LRRK1: variants seen among roughly 807,000 people sequenced by gnomAD.
The protein encoded by LRRK1 is leucine rich repeat kinase 1.
A neutral mutation model predicts 209.1 loss-of-function variants in LRRK1; 113 were observed. That is an observed-to-expected ratio of 0.54 (90% CI 0.46 to 0.63). LRRK1 has a LOEUF of 0.63. LRRK1 is among the 30% of genes least tolerant of loss of function. The probability of loss-of-function intolerance (pLI) is 0.00; values close to 1 mark genes in which losing one functional copy is unlikely to be tolerated. For synonymous variants in LRRK1, 1,144 were observed against 1,099.7 expected, an observed-to-expected ratio of 1.04 and a Z score of -0.80; for missense variants, 2,284 against 2,632.2, an observed-to-expected ratio of 0.87 and a Z score of 2.89.
At chr15:101,060,308 C>CTTTATGACTCTCTATATTTTTAACTGTT (rs1014295730) in intron 29 of LRRK1, among the ~76,000 whole-genome samples, 6 of 152,114 alleles carry the variant, frequency 3.9e-5, no homozygotes, top group African/African-American at 1.4e-4. Flanking sequence ...GGCAATTATT[C>CTTTATGACTCTCTATATTTTTAACTGTT]TTTATGACTC....
intron 9 of LRRK1, 142 bp from the exon 10 acceptor site, chr15:101,011,866 T>C (rs1486685330): frequency 1.5e-6 from 1 of 671,040 alleles, no homozygotes; most frequent in Admixed American, 2.7e-5. Flanking sequence ...TGTGCAGCCT[T>C]CCAGCAACAC....
At chr15:100,979,818 C>T (rs1283786062) in intron 3 of LRRK1, among the ~76,000 whole-genome samples, 3 of 152,046 alleles carry the variant, frequency 2.0e-5, no homozygotes, top group Non-Finnish European at 4.4e-5. Context: ...CAAATAAGCA[C>T]ATGAAAAGAT....
At chr15:100,989,696 C>A (rs1194228779) in intron 6 of LRRK1, 4 of 529,622 alleles carry the variant, frequency 7.6e-6, no homozygotes, top group Non-Finnish European at 1.3e-5. Context: ...GAGGGTGGGG[C>A]CTTCTTGGCC....
At chr15:101,068,365 G>A (rs1174245636) in intron 33 of LRRK1, among the ~76,000 whole-genome samples, 2 of 152,152 alleles carry the variant, frequency 1.3e-5, no homozygotes, top group Non-Finnish European at 2.9e-5. Flanking sequence ...CGCTTTGGGA[G>A]CTGAGTCAAG....
At chr15:100,976,782 T>A (rs1009006100) in intron 3 of LRRK1, among the ~76,000 whole-genome samples, 2 of 152,244 alleles carry the variant, frequency 1.3e-5, no homozygotes, top group Non-Finnish European at 2.9e-5. Context: ...ACTGCCTAAC[T>A]GTTCCATCCA....
intron 21 of LRRK1, among the ~76,000 whole-genome samples, chr15:101,048,012 T>C (rs1288086042): frequency 6.6e-6 from 1 of 152,074 alleles, no homozygotes; most frequent in Non-Finnish European, 1.5e-5. Flanking sequence ...GTGTTTTTAA[T>C]GGCATAGGAA....
In LRRK1 at chr15:101,069,879, TACACACATGCAC is replaced by T. The variant is rs1195535884; in HGVS notation, c.*1037_*1048del. On this transcript the variant is annotated 3_prime_UTR_variant, in exon 34 of 34. Coordinates refer to ENST00000388948, the MANE Select transcript of LRRK1 (RefSeq NM_024652.6). ...CATTTTATAAACTATGCACATGCATTACACACATGCACACACATATGCACACACATGTGCAAA... is the reference window on the plus strand; with the variant it reads ...CATTTTATAAACTATGCACATGCATTACACATATGCACACACATGTGCAAA... 1 of 152,310 alleles carries T rather than the reference TACACACATGCAC, an allele frequency of 6.6e-6. No homozygotes were observed. The highest frequency in any genetic ancestry group is 1.5e-5 in the Non-Finnish European group (1 of 68,048). The allele number at this position is 152,310 out of a possible 1,614,324, so 9.4% of individuals were successfully genotyped here. A position where few individuals can be genotyped will look rare whatever the true frequency, so the allele number is the denominator to read the frequency against.
intron 20 of LRRK1, among the ~76,000 whole-genome samples, chr15:101,045,607 A>G (rs2035026552): frequency 2.0e-5 from 3 of 152,216 alleles, no homozygotes; most frequent in Admixed American, 6.5e-5. Flanking sequence ...TTTTTCCTTC[A>G]TCAACCAAAG....
intron 2 of LRRK1, among the ~76,000 whole-genome samples, chr15:100,964,232 C>T (rs1364797115): frequency 6.6e-6 from 1 of 152,170 alleles, no homozygotes; most frequent in Non-Finnish European, 1.5e-5. Context: ...CAGATCACCC[C>T]GGGGCTGGGT....
At chr15:101,049,419 T>G in intron 22 of LRRK1, 1 of 486,688 alleles carries the variant, frequency 2.1e-6, no homozygotes, top group Non-Finnish European at 3.6e-6. Flanking sequence ...TGAGCGTCCC[T>G]GACTGCAATC....
intron 31 of LRRK1, among the ~76,000 whole-genome samples, chr15:101,063,043 C>G (rs371067210): frequency 6.6e-6 from 1 of 152,188 alleles, no homozygotes; most frequent in African/African-American, 2.4e-5. Flanking sequence ...CCTGCCCAGG[C>G]CAGAGCCACC....
At chr15:101,009,211 G>A (rs1031087564) in intron 7 of LRRK1, 148 bp downstream of exon 7, 4 of 659,480 alleles carry the variant, frequency 6.1e-6, no homozygotes, top group Non-Finnish European at 1.0e-5. Context: ...CCTGAGGCAA[G>A]CCTCCCTTTC....
At chr15:100,951,683 G>A (rs111324676) in intron 2 of LRRK1, among the ~76,000 whole-genome samples, 11,305 of 152,142 alleles carry the variant, frequency 0.074, 779 homozygotes, top group African/African-American at 0.18. Flanking sequence ...CGGGCATAGT[G>A]GCTCACACCT....
intron 1 of LRRK1, among the ~76,000 whole-genome samples, chr15:100,923,839 C>T (rs547154465): frequency 1.6e-4 from 25 of 152,354 alleles, no homozygotes; most frequent in African/African-American, 3.8e-4. Context: ...CTGTAGCACT[C>T]TCCCCCAGCC....
chr15:100,931,410 G>A (rs1394399172), intron 2 of LRRK1, among the ~76,000 whole-genome samples: 1 of 152,162 alleles, frequency 6.6e-6, no homozygotes, highest in African/African-American at 2.4e-5. Flanking sequence ...GATATTTAAA[G>A]GCAGAGAACA....
At chr15:101,053,927 T>G (rs1320530997) in intron 26 of LRRK1, among the ~76,000 whole-genome samples, 1 of 152,134 alleles carries the variant, frequency 6.6e-6, no homozygotes, top group Non-Finnish European at 1.5e-5. Flanking sequence ...GAAGAAGAAA[T>G]GCTATGAAAA....
At chr15:100,975,479 G>A (rs1219400869) in intron 3 of LRRK1, among the ~76,000 whole-genome samples, 2 of 152,164 alleles carry the variant, frequency 1.3e-5, no homozygotes, top group South Asian at 2.1e-4. Context: ...CAGGGTGTGT[G>A]TCTCTTCTCT....
chr15:100,922,680 T>A lies in LRRK1; in HGVS notation c.-122-1831T>A, dbSNP rs2042039745. ...TCTTCCTCTCTCTGTCACAAGTTGA[T>A]TTTCCAAATCAGGTTTTGCTATTTA... On this transcript the variant is annotated intron_variant, in intron 1 of 33. Transcript: ENST00000388948. Among the ~76,000 whole-genome samples, 3 of 152,312 alleles carry A rather than the reference T, an allele frequency of 2.0e-5. No homozygotes were observed. The East Asian group carries it at 5.8e-4, about 29-fold the overall frequency.
In LRRK1 at chr15:100,929,658, C is replaced by G. The variant is rs559140318; in HGVS notation, c.97+4929C>G. Among the ~76,000 whole-genome samples the G allele has an allele frequency of 2.0e-5, 3 of 152,306 alleles. No individual in the cohort carries two copies. The South Asian group carries it at 6.2e-4, about 32-fold the overall frequency. On this transcript the variant is annotated intron_variant, in intron 2 of 33. Coordinates refer to ENST00000388948, the MANE Select transcript of LRRK1 (RefSeq NM_024652.6). ...CGAGGGACAGATCCCCAGTGATGAG[C>G]CAGCCCACATCTCTGACCTGTTCCT...
Sources: allele counts gnomAD v4.1 joint callset (sites outside exome capture counted in the v4.1 genomes callset), GRCh38; gene constraint gnomAD v4.1.1; transcripts MANE v1.5; gene names NCBI Gene and HGNC (gene_info 2026-07-23, HGNC 2026-07-21).